Variants in PITPNC1 observed in about 807,000 individuals in gnomAD.
PITPNC1 encodes phosphatidylinositol transfer protein cytoplasmic 1.
In PITPNC1, 18 loss-of-function variants were observed where a neutral mutation model predicts 44.7. The observed-to-expected ratio is 0.40, with a 90% CI of 0.28 to 0.60. PITPNC1 has a LOEUF of 0.60. Ranked by LOEUF, PITPNC1 falls within the 20% of genes least tolerant of loss-of-function variation. PITPNC1 has a pLI of 0.39. For synonymous variants in PITPNC1, 141 were observed against 149.6 expected (o/e 0.94, Z 0.42); for missense variants, 290 against 418.4 (o/e 0.69, Z 2.68).
intron 6 of PITPNC1, among the ~76,000 whole-genome samples, chr17:67,650,573 T>C (rs1180787056): frequency 1.3e-5 from 2 of 149,332 alleles, no homozygotes; most frequent in African/African-American, 5.0e-5. Flanking sequence ...CTCAGCCTCC[T>C]GAGTAGCTGG....
chr17:67,591,245 G>A (rs1167136555), intron 5 of PITPNC1, among the ~76,000 whole-genome samples: 2 of 152,096 alleles, frequency 1.3e-5, no homozygotes, highest in Non-Finnish European at 2.9e-5. Context: ...AAATTGTTGA[G>A]GTCATGAAAG....
intron 1 of PITPNC1, among the ~76,000 whole-genome samples, chr17:67,483,899 C>G (rs1174247798): frequency 1.3e-5 from 2 of 151,546 alleles, no homozygotes; most frequent in African/African-American, 2.4e-5. Context: ...CTCCCTTCAC[C>G]CTTGCTAACG....
chr17:67,399,802 C>A (rs902892863), intron 1 of PITPNC1, among the ~76,000 whole-genome samples: 19 of 152,232 alleles, frequency 1.2e-4, no homozygotes, highest in African/African-American at 4.3e-4. Context: ...ATTTTATCTC[C>A]CTGAGCCAAA....
At chr17:67,573,688 G>A (rs900541366) in intron 4 of PITPNC1, among the ~76,000 whole-genome samples, 2 of 148,588 alleles carry the variant, frequency 1.3e-5, no homozygotes, top group African/African-American at 5.0e-5. Flanking sequence ...TCAGCCTCCC[G>A]AGTAGCTGGG....
chr17:67,572,856 A>G (rs896160866), intron 4 of PITPNC1, among the ~76,000 whole-genome samples: 1 of 152,014 alleles, frequency 6.6e-6, no homozygotes, highest in African/African-American at 2.4e-5. Flanking sequence ...TTGTCCTTGT[A>G]AGAAGAGAAG....
chr17:67,388,964 C>A (rs894826667), intron 1 of PITPNC1, among the ~76,000 whole-genome samples: 1 of 152,202 alleles, frequency 6.6e-6, no homozygotes, highest in Non-Finnish European at 1.5e-5. Context: ...TACAATAACA[C>A]CCATTTATTA....
intron 1 of PITPNC1, among the ~76,000 whole-genome samples, chr17:67,509,968 A>G (rs1012837982): frequency 3.9e-5 from 6 of 152,210 alleles, no homozygotes; most frequent in African/African-American, 7.2e-5. Flanking sequence ...TCGGAGACCA[A>G]TTGACTTCAA....
chr17:67,635,167 A>G (rs2042018940), intron 6 of PITPNC1, among the ~76,000 whole-genome samples: 1 of 152,220 alleles, frequency 6.6e-6, no homozygotes. Flanking sequence ...TGGAGAATGG[A>G]CTGGAGAAGA....
rs1950589872 is a variant in PITPNC1, at chr17:67,690,309, G to A, written c.683-2263G>A. ...CTAATAACACAAAAATTAGCCGGGC[G>A]TGGTGGCAGACGCCTGTAATCCCAG... is the stretch of plus-strand genomic sequence containing the variant. On this transcript the variant is annotated intron_variant, in intron 8 of 8. Transcript: ENST00000581322. Among the ~76,000 whole-genome samples the A allele has an allele frequency of 3.3e-5, 5 of 152,078 alleles. No homozygotes were observed. The South Asian group carries it at 8.3e-4, about 25-fold the overall frequency.
intron 1 of PITPNC1, among the ~76,000 whole-genome samples, chr17:67,419,483 C>T (rs886400453): frequency 2.6e-5 from 4 of 152,200 alleles, no homozygotes; most frequent in African/African-American, 9.6e-5. Flanking sequence ...AATGTAAGAG[C>T]TGGCCCGTCT....
intron 1 of PITPNC1, among the ~76,000 whole-genome samples, chr17:67,494,611 G>A (rs541917856): frequency 5.3e-5 from 8 of 152,234 alleles, no homozygotes; most frequent in Admixed American, 3.3e-4. Flanking sequence ...TTCGGAGATG[G>A]TGACTGCTCT....
intron 1 of PITPNC1, among the ~76,000 whole-genome samples, chr17:67,492,645 A>G (rs1451368852): frequency 6.6e-6 from 1 of 152,176 alleles, no homozygotes; most frequent in Non-Finnish European, 1.5e-5. Flanking sequence ...AAAACCCTGG[A>G]AACTCCCCCT....
At chr17:67,602,770 T>C (rs2041558815) in intron 5 of PITPNC1, among the ~76,000 whole-genome samples, 1 of 152,130 alleles carries the variant, frequency 6.6e-6, no homozygotes, top group East Asian at 1.9e-4. Flanking sequence ...TGGATCTTGC[T>C]CTGTCGCCCA....
chr17:67,379,971 T>C (rs556495560), intron 1 of PITPNC1, among the ~76,000 whole-genome samples: 2 of 152,326 alleles, frequency 1.3e-5, no homozygotes, highest in South Asian at 4.1e-4. Context: ...TTTCCCACTT[T>C]TGTTTTTGTA....
intron 2 of PITPNC1, among the ~76,000 whole-genome samples, chr17:67,546,269 A>G (rs2040682158): frequency 7.6e-6 from 1 of 130,984 alleles, no homozygotes; most frequent in African/African-American, 2.9e-5. Context: ...TATATTACAT[A>G]TTATTTATAT....
At chr17:67,678,532 A>G (rs1287445402) in intron 8 of PITPNC1, among the ~76,000 whole-genome samples, 1 of 152,206 alleles carries the variant, frequency 6.6e-6, no homozygotes, top group Non-Finnish European at 1.5e-5. Context: ...TTCACTCAGC[A>G]GTGGTCTGAG....
chr17:67,431,152 G>A (rs956110359), intron 1 of PITPNC1, among the ~76,000 whole-genome samples: 23 of 145,484 alleles, frequency 1.6e-4, no homozygotes, highest in African/African-American at 4.8e-4. Context: ...TCCACCTCCC[G>A]GGTTCAAGCG....
chr17:67,692,873 G>A lies in PITPNC1; in HGVS notation c.984G>A (p.Arg328=). ...TGCACTCTTCAGATAAGCCATGTCG[G>A]CCCAAATCTGAGTAACTTTATATAA... The part of the protein sequence containing the change: ...PGMHSSDKPC[R]PKSE The change falls in exon 9 of 9, where the codon CGG becomes CGA. Residue 328 remains arginine, a synonymous_variant. Coordinates refer to ENST00000581322, the MANE Select transcript of PITPNC1 (RefSeq NM_012417.4). The A allele has an allele frequency of 1.3e-6, 2 of 1,594,310 alleles. No individual in the cohort carries two copies. The highest frequency in any genetic ancestry group is 1.7e-6 in the Non-Finnish European group (2 of 1,164,888).
intron 8 of PITPNC1, among the ~76,000 whole-genome samples, chr17:67,691,630 G>T (rs549869706): frequency 6.6e-6 from 1 of 152,276 alleles, no homozygotes; most frequent in African/African-American, 2.4e-5. Flanking sequence ...ACCTTCTTAG[G>T]ATCGACACAC....
Sources: allele counts gnomAD v4.1 joint callset (sites outside exome capture counted in the v4.1 genomes callset), GRCh38; gene constraint gnomAD v4.1.1; transcripts MANE v1.5; gene names NCBI Gene and HGNC (gene_info 2026-07-23, HGNC 2026-07-21).